MSANTD2: variants seen among roughly 807,000 people sequenced by gnomAD.
MSANTD2 encodes the protein myb/SANT-like DNA-binding domain-containing protein 2.
Under a neutral mutation model 52.6 loss-of-function variants are expected in MSANTD2, and 19 were observed. That is an observed-to-expected ratio of 0.36 (90% confidence interval 0.25 to 0.53). MSANTD2 has a LOEUF of 0.53. MSANTD2 is among the 20% of genes least tolerant of loss of function. The probability of loss-of-function intolerance (pLI) is 0.91; values close to 1 mark genes in which losing one functional copy is unlikely to be tolerated. For missense variants in MSANTD2, 558 were observed against 716.3 expected, an observed-to-expected ratio of 0.78 and a Z score of 2.52; for synonymous variants, 291 against 289.7, an observed-to-expected ratio of 1.00 and a Z score of -0.04.
At chr11:124,791,631 C>A in intron 1 of MSANTD2, 1 of 1,478,922 alleles carries the variant, frequency 6.8e-7, no homozygotes, top group Non-Finnish European at 9.4e-7. Context: ...CAGCTTCCAT[C>A]CTTCCAGACT....
intron 3 of MSANTD2, among the ~76,000 whole-genome samples, chr11:124,770,296 CTTTT>C (rs971963475): frequency 1.4e-5 from 2 of 143,980 alleles, no homozygotes; most frequent in South Asian, 2.1e-4. Flanking sequence ...TGTAATAACT[CTTTT>C]TTTTTGTTTG....
intron 3 of MSANTD2, among the ~76,000 whole-genome samples, chr11:124,768,832 C>T (rs1165637278): frequency 6.6e-6 from 1 of 152,190 alleles, no homozygotes; most frequent in African/African-American, 2.4e-5. Context: ...GACTCATATA[C>T]TTAACAGAAG....
rs112665143 is a variant in MSANTD2, at chr11:124,791,188, T to C, written c.510+8683A>G. ...GGGAGCTGGTTTCAGGTTGGAAGAA[T>C]GGGTGCATGTGAGGGACATTTGGAG... On this transcript the variant is annotated intron_variant, in intron 1 of 3. Transcript: ENST00000374979. The C allele has an allele frequency of 3.6e-3, 4,010 of 1,099,248 alleles. 119 individuals are homozygous for C. In the African/African-American group the frequency reaches 0.054, roughly 15 times the overall value. 68.1% of individuals were successfully genotyped at this position (1,099,248 alleles called of 1,614,324 possible). A position where few individuals can be genotyped will look rare whatever the true frequency, so the allele number is the denominator to read the frequency against.
Position 124,800,294 on chromosome 11 carries a change from A to C in MSANTD2, c.87T>G (p.Gly29=). The stretch of plus-strand genomic sequence containing the variant: ...GCGATGGATTTCCGTCGCTCAGGCC[A>C]CCAGGAGAAGCCGGGGAAAGCACCT... ...KMEVLSPASP[G]GLSDGNPSLS... The change falls in exon 1 of 4, where the codon GGT becomes GGG. Residue 29 remains glycine, a synonymous_variant. Coordinates refer to ENST00000374979, the MANE Select transcript of MSANTD2 (RefSeq NM_001308027.2). This position sits in a 1 kb window ranked among gnomAD's most constrained non-coding sequence, Gnocchi z 4.3. The C allele has an allele frequency of 1.9e-6, 3 of 1,567,976 alleles. No individual in the cohort carries two copies. The highest frequency in any genetic ancestry group is 1.2e-5 in the South Asian group (1 of 86,610).
intron 1 of MSANTD2, among the ~76,000 whole-genome samples, chr11:124,785,991 T>C (rs529653100): frequency 2.6e-5 from 4 of 152,088 alleles, no homozygotes; most frequent in South Asian, 4.2e-4. Context: ...TCACTGTATT[T>C]ACTTTTTTGC....
chr11:124,774,727 T>G lies in MSANTD2; in HGVS notation c.758A>C (p.Gln253Pro). 1 of 1,613,956 alleles carries G rather than the reference T, an allele frequency of 6.2e-7. No homozygotes were observed. Among genetic ancestry groups the G allele is most frequent in the Non-Finnish European group, 8.5e-7 (1 of 1,179,884 alleles). Residue 253 changes from glutamine (Q) to proline (P), a missense_variant, in exon 2 of 4, where the codon CAG becomes CCG. Gln to Pro is a moderately conservative substitution (Grantham distance 76). This residue lies in a region of MSANTD2 where 408 missense variants were observed against 573.6 expected (regional missense o/e 0.71). Coordinates refer to ENST00000374979, the MANE Select transcript of MSANTD2 (RefSeq NM_001308027.2). This position sits in a 1 kb window ranked among gnomAD's most constrained non-coding sequence, Gnocchi z 5.1. ...TATGTTGGCTTTCTTACCCAATTCC[T>G]GATCTGTTGGATAGCCATGGAGATC... The part of the protein sequence containing the change: ...SQDLHGYPTD[Q>P]ELDEIPVTKR...
chr11:124,783,449 G>GT (rs1317691434), intron 1 of MSANTD2, among the ~76,000 whole-genome samples: 1 of 152,048 alleles, frequency 6.6e-6, no homozygotes, highest in Non-Finnish European at 1.5e-5. Flanking sequence ...GAGATACCCT[G>GT]TCTCTTCTAA....
intron 1 of MSANTD2, among the ~76,000 whole-genome samples, chr11:124,785,418 G>A (rs1433867295): frequency 6.6e-6 from 1 of 152,272 alleles, no homozygotes; most frequent in South Asian, 2.1e-4. Context: ...GTGAGAGACT[G>A]AGAAGCAGGG....
Position 124,773,020 on chromosome 11 carries a change from T to C in MSANTD2, c.801A>G (p.Ile267Met). The C allele has an allele frequency of 1.2e-6, 2 of 1,602,182 alleles. No homozygotes were observed. Among genetic ancestry groups the C allele is most frequent in the South Asian group, 2.2e-5 (2 of 90,638 alleles). The change falls in exon 3 of 4, where the codon ATA (isoleucine) becomes ATG (methionine). Residue 267 changes from isoleucine to methionine, a missense_variant. Coordinates refer to ENST00000374979, the MANE Select transcript of MSANTD2 (RefSeq NM_001308027.2). Reference sequence around the variant, plus strand: ...GTGCTTCTTCAGAAGACTCTTGTTTTATTTTTAATGTTCTCTTTGTGACAG... The same window carrying C: ...GTGCTTCTTCAGAAGACTCTTGTTTCATTTTTAATGTTCTCTTTGTGACAG... ...EIPVTKRTLKIKQESSEEAQK... is the reference protein window; with the variant it reads ...EIPVTKRTLKMKQESSEEAQK...
chr11:124,773,230 CA>C, intron 2 of MSANTD2, 176 bp from the exon 3 acceptor site: 1 of 490,636 alleles, frequency 2.0e-6, no homozygotes, highest in African/African-American at 2.0e-5. Context: ...TAATGAGATG[CA>C]TACATTTATA....
At chr11:124,790,745 T>C (rs924898282) in intron 1 of MSANTD2, 2 of 155,348 alleles carry the variant, frequency 1.3e-5, no homozygotes, top group African/African-American at 4.8e-5. Flanking sequence ...CGCCTTAGCG[T>C]ATCACCTGAC....
In MSANTD2 at chr11:124,791,720, AC is replaced by A. The variant is rs544100997; in HGVS notation, c.510+8150del. Reference sequence around the variant, plus strand: ...CTGGGGAAGGGGAAAGATGAGAGGTACCACAGAGACTGGGGTGAAAAGGGGA... The same window carrying A: ...CTGGGGAAGGGGAAAGATGAGAGGTACACAGAGACTGGGGTGAAAAGGGGA... On this transcript the variant is annotated intron_variant, in intron 1 of 3. Transcript: ENST00000374979. The A allele has an allele frequency of 3.1e-5, 27 of 876,384 alleles. No individual in the cohort carries two copies. In the South Asian group the frequency reaches 3.7e-4, roughly 12 times the overall value. The allele number at this position is 876,384 out of a possible 1,614,324, so 54.3% of individuals were successfully genotyped here.
At chr11:124,797,823 C>A (rs1005773307) in intron 1 of MSANTD2, among the ~76,000 whole-genome samples, 3 of 152,180 alleles carry the variant, frequency 2.0e-5, no homozygotes, top group African/African-American at 7.2e-5. Flanking sequence ...AACCAATCCT[C>A]TTCTAAAAAT....
intron 1 of MSANTD2, among the ~76,000 whole-genome samples, chr11:124,777,858 A>G (rs1944801000): frequency 6.6e-6 from 1 of 152,130 alleles, no homozygotes; most frequent in Non-Finnish European, 1.5e-5. Flanking sequence ...GGTTCAGTAA[A>G]GACCACAGAT....
chr11:124,779,733 TG>T lies in MSANTD2; in HGVS notation c.511-4760del, dbSNP rs773190220. Among the ~76,000 whole-genome samples, 13 of 152,204 alleles carry T rather than the reference TG, an allele frequency of 8.5e-5. No homozygotes were observed. Among genetic ancestry groups the T allele is most frequent in the Non-Finnish European group, 1.8e-4 (12 of 68,034 alleles). Reference sequence around the variant, plus strand: ...GCTGTCAAGCTGGCCACACTGGAAATGGATTACATAGTTATCTTAATCCACT... The same window carrying T: ...GCTGTCAAGCTGGCCACACTGGAAATGATTACATAGTTATCTTAATCCACT... On this transcript the variant is annotated intron_variant, in intron 1 of 3. Coordinates refer to ENST00000374979, the MANE Select transcript of MSANTD2 (RefSeq NM_001308027.2). This position sits in a 1 kb window ranked among gnomAD's most constrained non-coding sequence, Gnocchi z 4.6.
chr11:124,795,104 C>T lies in MSANTD2; in HGVS notation c.510+4767G>A, dbSNP rs930768492. 7.9e-5 allele frequency among the ~76,000 whole-genome samples: 12 copies of T among 152,160 alleles called. 1 individual carries two copies. The highest frequency in any genetic ancestry group is 2.7e-4 in the African/African-American group (11 of 41,440). ...ACGTTGTCCACGCTGGTCTCCAACT[C>T]CTGAGCTCACGTGATATGCCCGCCT... On this transcript the variant is annotated intron_variant, in intron 1 of 3. Transcript: ENST00000374979.
Position 124,767,347 on chromosome 11 carries a change from A to G in MSANTD2, c.1509T>C (p.Asp503=), listed in dbSNP as rs979782412. The G allele has an allele frequency of 2.5e-5, 41 of 1,614,078 alleles. No homozygotes were observed. Among genetic ancestry groups the G allele is most frequent in the Non-Finnish European group, 2.9e-5 (34 of 1,180,026 alleles). Residue 503 remains aspartate (D), a synonymous_variant, in exon 4 of 4, where the codon GAT becomes GAC. Transcript: ENST00000374979. The surrounding 1 kb of genome is among the most constrained non-coding windows in gnomAD (Gnocchi z 6.5). The part of the protein sequence containing the change: ...FQANTKTFSK[D]WVGINGFLSQ... The stretch of plus-strand genomic sequence containing the variant: ...ACAAAAACCCGTTAATACCAACCCA[A>G]TCTTTGCTGAAGGTTTTGGTATTCG...
chr11:124,767,473 G>T lies in MSANTD2; in HGVS notation c.1383C>A (p.Ala461=). ...TGGGTTCTATTTCCACCTGTAATGAGGCTTGTGCTGAAAGGGTTTCCAGGT... is the reference window on the plus strand; with the variant it reads ...TGGGTTCTATTTCCACCTGTAATGATGCTTGTGCTGAAAGGGTTTCCAGGT... ...RVDLETLSAQ[A]SLQVEIEPTR... Residue 461 remains alanine, a synonymous_variant, in exon 4 of 4, where the codon GCC becomes GCA. Transcript: ENST00000374979. The surrounding 1 kb of genome is among the most constrained non-coding windows in gnomAD (Gnocchi z 6.5). 6.2e-7 allele frequency: 1 copy of T among 1,614,166 alleles called. No homozygotes were observed. The highest frequency in any genetic ancestry group is 1.6e-4 in the Middle Eastern group (1 of 6,062).
At chr11:124,798,837 A>C (rs572879126) in intron 1 of MSANTD2, among the ~76,000 whole-genome samples, 1 of 152,310 alleles carries the variant, frequency 6.6e-6, no homozygotes, top group South Asian at 2.1e-4. Flanking sequence ...TCAGAAAAGA[A>C]GTGCACAGAT....
Sources: allele counts gnomAD v4.1 joint callset (sites outside exome capture counted in the v4.1 genomes callset), GRCh38; gene constraint gnomAD v4.1.1; regional missense constraint gnomAD v4.1.1; non-coding constraint Gnocchi (gnomAD v3.1); transcripts MANE v1.5; gene names NCBI Gene and HGNC (gene_info 2026-07-23, HGNC 2026-07-21).